The following TFEC variants were observed in gnomAD, a reference collection of about 807,000 sequenced individuals.
The protein encoded by TFEC is class E basic helix-loop-helix protein 34.
Under a neutral mutation model 41.6 loss-of-function variants are expected in TFEC, and 31 were observed. The ratio of observed to expected loss-of-function variants is 0.74; its 90% CI spans 0.56 to 1.01. The LOEUF is 1.01. Among genes scored for constraint, TFEC ranks in the 50% least tolerant of loss-of-function variants. The probability of loss-of-function intolerance (pLI) is 0.00; values close to 1 mark genes in which losing one functional copy is unlikely to be tolerated. For synonymous variants in TFEC, 143 were observed against 140.6 expected (o/e 1.02, Z -0.12); for missense variants, 402 against 404.1 (o/e 0.99, Z 0.04).
chr7:116,017,611 C>A (rs375620156), intron 1 of TFEC, among the ~76,000 whole-genome samples: 2 of 152,206 alleles, frequency 1.3e-5, no homozygotes, highest in East Asian at 3.9e-4. Context: ...CAACTTCTTC[C>A]CATACCACTC....
intron 3 of TFEC, among the ~76,000 whole-genome samples, chr7:115,960,892 A>G (rs2130475125): frequency 6.6e-6 from 1 of 151,720 alleles, no homozygotes; most frequent in South Asian, 2.1e-4. Flanking sequence ...TATCAGAAAA[A>G]GGGCTTTCAC....
chr7:115,948,307 C>T (rs1791721363), intron 6 of TFEC, among the ~76,000 whole-genome samples: 2 of 151,174 alleles, frequency 1.3e-5, no homozygotes, highest in South Asian at 2.1e-4. Flanking sequence ...GAAACTATTC[C>T]AATCAATAGA....
chr7:115,942,054 A>G lies in TFEC; in HGVS notation c.516-14T>C. The G allele has an allele frequency of 6.3e-7, 1 of 1,597,502 alleles. No individual in the cohort carries two copies. Among genetic ancestry groups the G allele is most frequent in the Non-Finnish European group, 8.5e-7 (1 of 1,171,522 alleles). ...CAGCGCATATCACTGTAGAATGGAGAGATAACCTTTTCACAATTGTGCATG... is the reference window on the plus strand; with the variant it reads ...CAGCGCATATCACTGTAGAATGGAGGGATAACCTTTTCACAATTGTGCATG... On this transcript the variant is annotated splice_polypyrimidine_tract_variant and intron_variant, in intron 6 of 7. Transcript: ENST00000265440.
intron 2 of TFEC, among the ~76,000 whole-genome samples, chr7:115,975,583 G>A (rs1206214314): frequency 2.0e-5 from 3 of 152,114 alleles, no homozygotes; most frequent in East Asian, 1.9e-4. Flanking sequence ...TAGAACTGGA[G>A]CTACCATAGC....
intron 2 of TFEC, among the ~76,000 whole-genome samples, chr7:115,980,756 A>T (rs1285389709): frequency 7.0e-6 from 1 of 141,970 alleles, no homozygotes; most frequent in Admixed American, 7.2e-5. Context: ...CGCCAAACAA[A>T]AACAAAACAA....
intron 3 of TFEC, among the ~76,000 whole-genome samples, chr7:115,965,031 C>T (rs1225848865): frequency 6.6e-6 from 1 of 151,540 alleles, no homozygotes; most frequent in Non-Finnish European, 1.5e-5. Flanking sequence ...GTAGAAATGA[C>T]AGTAACAATT....
In TFEC at chr7:115,940,486, G is replaced by T; in HGVS notation, c.*65C>A. The T allele has an allele frequency of 6.7e-7, 1 of 1,495,344 alleles. No homozygotes were observed. Among genetic ancestry groups the T allele is most frequent in the South Asian group, 1.4e-5 (1 of 73,172 alleles). The allele number at this position is 1,495,344 out of a possible 1,614,324, so 92.6% of individuals were successfully genotyped here. A position where few individuals can be genotyped will look rare whatever the true frequency, so the allele number is the denominator to read the frequency against. On this transcript the variant is annotated 3_prime_UTR_variant, in exon 8 of 8. Coordinates refer to ENST00000265440, the MANE Select transcript of TFEC (RefSeq NM_012252.4). ...AAGCCAAAGCAACATATGAAACACA[G>T]AGCATAATTGCATAGCACCAGCATA...
At chr7:116,075,263 G>C (rs1199449285) in intron 3 of TFEC, among the ~76,000 whole-genome samples, 1 of 152,146 alleles carries the variant, frequency 6.6e-6, no homozygotes, top group Non-Finnish European at 1.5e-5. Flanking sequence ...TAAGATGGCG[G>C]ACAGGTGGCA....
At chr7:116,052,700 T>C (rs1475124960) in intron 3 of TFEC, among the ~76,000 whole-genome samples, 1 of 151,248 alleles carries the variant, frequency 6.6e-6, no homozygotes, top group Non-Finnish European at 1.5e-5. Context: ...GTGCTGGGAT[T>C]ACAGGCATGA....
At chr7:116,080,110 G>C (rs1179045708) in intron 3 of TFEC, among the ~76,000 whole-genome samples, 1 of 151,924 alleles carries the variant, frequency 6.6e-6, no homozygotes, top group African/African-American at 2.4e-5. Flanking sequence ...AACCGTGCTG[G>C]GATAATTGGC....
At chr7:116,101,725 A>T (rs1182197062) in intron 3 of TFEC, among the ~76,000 whole-genome samples, 1 of 152,158 alleles carries the variant, frequency 6.6e-6, no homozygotes, top group Admixed American at 6.6e-5. Context: ...AATGTATTGT[A>T]AATTATTAAA....
chr7:116,108,150 A>T (rs970539359), intron 3 of TFEC, among the ~76,000 whole-genome samples: 2 of 152,176 alleles, frequency 1.3e-5, no homozygotes, highest in African/African-American at 4.8e-5. Flanking sequence ...AAATAATTAT[A>T]AACAGAACAT....
At chr7:115,974,409 TATATATA>T in intron 2 of TFEC, among the ~76,000 whole-genome samples, 153 bp from the exon 3 acceptor site, 1 of 26,008 alleles carries the variant, frequency 3.8e-5, no homozygotes, top group African/African-American at 1.6e-4. Flanking sequence ...CTCAATATTA[TATATATA>T]TATATATATA....
intron 1 of TFEC, among the ~76,000 whole-genome samples, chr7:116,151,708 A>C (rs1798765818): frequency 6.6e-6 from 1 of 152,116 alleles, no homozygotes; most frequent in South Asian, 2.1e-4. Context: ...TATCATTATA[A>C]AAATTTTTAT....
intron 5 of TFEC, 119 bp downstream of exon 5, chr7:115,954,467 T>A (rs1792111301): frequency 1.6e-6 from 1 of 615,704 alleles, no homozygotes; most frequent in Non-Finnish European, 2.7e-6. Context: ...AAGTTATATG[T>A]GCAATTAATT....
chr7:116,058,375 A>C (rs1034992209), intron 3 of TFEC, among the ~76,000 whole-genome samples: 38 of 151,836 alleles, frequency 2.5e-4, no homozygotes, highest in African/African-American at 8.9e-4. Context: ...AAAATATATA[A>C]AGCACAAACT....
intron 2 of TFEC, among the ~76,000 whole-genome samples, chr7:115,981,554 T>C (rs1793630956): frequency 6.6e-6 from 1 of 152,132 alleles, no homozygotes; most frequent in Middle Eastern, 3.2e-3. Context: ...GATATTAAAA[T>C]GTGAATAAGG....
chr7:116,013,682 T>G (rs1006213432), intron 1 of TFEC, among the ~76,000 whole-genome samples: 2 of 152,164 alleles, frequency 1.3e-5, no homozygotes, highest in Non-Finnish European at 2.9e-5. Flanking sequence ...GTAAGTTACT[T>G]ATTATCAGTT....
At chr7:116,113,483 A>C (rs2116122165) in intron 1 of TFEC, among the ~76,000 whole-genome samples, 1 of 152,106 alleles carries the variant, frequency 6.6e-6, no homozygotes, top group South Asian at 2.1e-4. Context: ...TGGCCTCCAG[A>C]ACTGTGAAAG....
Sources: gnomAD v4.1 joint callset for allele counts (sites outside exome capture counted in the v4.1 genomes callset) on GRCh38, gnomAD v4.1.1 for gene constraint, MANE v1.5 for transcripts, NCBI Gene and HGNC (gene_info 2026-07-23, HGNC 2026-07-21) for gene names.